Variants in GRIN2A observed in about 807,000 individuals in gnomAD.
GRIN2A encodes the protein glutamate receptor ionotropic, NMDA 2A.
GRIN2A carries 22 observed loss-of-function variants against 113.4 expected under a neutral mutation model. That is an observed-to-expected ratio of 0.19 (90% CI 0.14 to 0.28). The LOEUF (loss-of-function observed/expected upper bound fraction) is 0.28, where lower values mean the gene tolerates loss of function less well. Ranked by LOEUF, GRIN2A falls within the 10% of genes least tolerant of loss-of-function variation. GRIN2A has a pLI of 1.00. For missense variants in GRIN2A, 1,502 were observed against 1,887.0 expected (o/e 0.80, Z 3.78); for synonymous variants, 827 against 738.4 (o/e 1.12, Z -1.94).
chr16:9,847,925 A>T lies in GRIN2A; in HGVS notation c.1328+1831T>A, dbSNP rs553256556. 5.7e-3 allele frequency among the ~76,000 whole-genome samples: 832 copies of T among 146,454 alleles called. 3 individuals carry two copies. Among genetic ancestry groups the T allele is most frequent in the Non-Finnish European group, 0.01 (675 of 66,492 alleles). ...AACAGGCCTTATTTTTATATGTTTTATATATATATAAAAATATATATGTTA... is the reference window on the plus strand; with the variant it reads ...AACAGGCCTTATTTTTATATGTTTTTTATATATATAAAAATATATATGTTA... On this transcript the variant is annotated intron_variant, in intron 5 of 12. Coordinates refer to ENST00000330684, the MANE Select transcript of GRIN2A (RefSeq NM_001134407.3).
At chr16:10,164,532 G>C (rs1468479927) in intron 2 of GRIN2A, among the ~76,000 whole-genome samples, 1 of 152,196 alleles carries the variant, frequency 6.6e-6, no homozygotes, top group Non-Finnish European at 1.5e-5. Flanking sequence ...AATCATAACA[G>C]TGGGGTCCCA....
At chr16:10,140,956 G>A (rs1244298517) in intron 2 of GRIN2A, among the ~76,000 whole-genome samples, 1 of 152,158 alleles carries the variant, frequency 6.6e-6, no homozygotes, top group African/African-American at 2.4e-5. Context: ...AAATTTTGGA[G>A]GCCAAGGTGG....
intron 2 of GRIN2A, among the ~76,000 whole-genome samples, chr16:9,948,687 T>C (rs578164832): frequency 1.3e-4 from 20 of 152,220 alleles, no homozygotes; most frequent in Admixed American, 3.3e-4. Flanking sequence ...AGTCAGAACA[T>C]ACTGCATGGG....
At chr16:10,179,893 C>CCCAAAACAAAAAAA in intron 2 of GRIN2A, 105 bp downstream of exon 2, 2 of 719,818 alleles carry the variant, frequency 2.8e-6, no homozygotes, top group South Asian at 1.4e-5. Flanking sequence ...CCCCCACCCC[C>CCCAAAACAAAAAAA]ACTTCACATC....
chr16:9,920,912 C>T (rs1248310188), intron 3 of GRIN2A, among the ~76,000 whole-genome samples: 1 of 152,116 alleles, frequency 6.6e-6, no homozygotes, highest in Admixed American at 6.5e-5. Flanking sequence ...CCTTTTATTT[C>T]CTTCCTTCTG....
intron 11 of GRIN2A, 60 bp from the exon 12 acceptor site, chr16:9,769,149 G>A (rs1901104305): frequency 3.0e-6 from 4 of 1,323,424 alleles, no homozygotes; most frequent in African/African-American, 1.4e-5. Context: ...TGGGGCAGAC[G>A]CTTCTGGGTT....
chr16:9,765,929 CTT>C (rs947776227), intron 12 of GRIN2A, among the ~76,000 whole-genome samples: 14 of 152,170 alleles, frequency 9.2e-5, no homozygotes, highest in Admixed American at 2.0e-4. Flanking sequence ...ATTTTCTACT[CTT>C]TCTTTCTTTT....
intron 2 of GRIN2A, among the ~76,000 whole-genome samples, chr16:9,963,941 A>G (rs2045497595): frequency 6.6e-6 from 1 of 152,202 alleles, no homozygotes; most frequent in Admixed American, 6.5e-5. Flanking sequence ...CAGGAATGAA[A>G]GAACTCACAG....
intron 2 of GRIN2A, among the ~76,000 whole-genome samples, chr16:10,146,643 G>A (rs2142276014): frequency 6.6e-6 from 1 of 152,104 alleles, no homozygotes; most frequent in South Asian, 2.1e-4. Flanking sequence ...TTATTGTTAT[G>A]ACTCTGAAAG....
At chr16:9,834,815 G>A (rs766675531) in intron 7 of GRIN2A, among the ~76,000 whole-genome samples, 1 of 152,010 alleles carries the variant, frequency 6.6e-6, no homozygotes, top group Non-Finnish European at 1.5e-5. Flanking sequence ...AGGATAATCA[G>A]AAGAAAAAAG....
chr16:10,055,654 T>A (rs867936265), intron 2 of GRIN2A, among the ~76,000 whole-genome samples: 10 of 152,200 alleles, frequency 6.6e-5, no homozygotes, highest in African/African-American at 2.2e-4. Flanking sequence ...GTCACTTCAA[T>A]AGACAACATC....
chr16:10,063,774 TAATA>T (rs2047594580), intron 2 of GRIN2A, among the ~76,000 whole-genome samples: 1 of 152,050 alleles, frequency 6.6e-6, no homozygotes, highest in East Asian at 1.9e-4. Flanking sequence ...GGAGTCAAAA[TAATA>T]AAAAAGAACA....
chr16:10,062,316 C>G (rs1284994658), intron 2 of GRIN2A, among the ~76,000 whole-genome samples: 1 of 152,156 alleles, frequency 6.6e-6, no homozygotes, highest in Non-Finnish European at 1.5e-5. Flanking sequence ...TGGCTGCATT[C>G]CAATAAAAAT....
chr16:9,818,150 G>C (rs2042218805), intron 10 of GRIN2A, among the ~76,000 whole-genome samples: 1 of 151,698 alleles, frequency 6.6e-6, no homozygotes, highest in Non-Finnish European at 1.5e-5. Flanking sequence ...GGAAGGAAAA[G>C]GCCTGTGAGT....
At chr16:9,897,193 C>CATATATATTTACATATTATATAT (rs2043823334) in intron 3 of GRIN2A, among the ~76,000 whole-genome samples, 1 of 91,422 alleles carries the variant, frequency 1.1e-5, no homozygotes, top group Non-Finnish European at 2.3e-5. Context: ...ACACTAAATA[C>CATATATATTTACATATTATATAT]ATATATATTT....
intron 2 of GRIN2A, among the ~76,000 whole-genome samples, chr16:10,129,908 TAAG>T (rs1204834536): frequency 6.6e-6 from 1 of 152,202 alleles, no homozygotes; most frequent in East Asian, 1.9e-4. Flanking sequence ...GCAGATTTCA[TAAG>T]GAGTTGCAGT....
intron 2 of GRIN2A, among the ~76,000 whole-genome samples, chr16:10,001,620 C>T (rs2046321203): frequency 6.6e-6 from 1 of 152,170 alleles, no homozygotes; most frequent in South Asian, 2.1e-4. Flanking sequence ...TTCTCAGAAG[C>T]CCTCCAATAA....
intron 2 of GRIN2A, among the ~76,000 whole-genome samples, chr16:10,044,022 T>TATATATAGAGAGAG (rs531659457): frequency 2.7e-4 from 29 of 107,988 alleles, no homozygotes; most frequent in African/African-American, 9.8e-4. Context: ...TATATATATA[T>TATATATAGAGAGAG]AGAGAGAGAG....
chr16:10,009,487 C>G (rs1207051645), intron 2 of GRIN2A, among the ~76,000 whole-genome samples: 1 of 152,154 alleles, frequency 6.6e-6, no homozygotes, highest in East Asian at 1.9e-4. Flanking sequence ...CATAAGTGCC[C>G]TTTTATTTGT....
Sources: allele counts gnomAD v4.1 joint callset (sites outside exome capture counted in the v4.1 genomes callset), GRCh38; gene constraint gnomAD v4.1.1; transcripts MANE v1.5; gene names NCBI Gene and HGNC (gene_info 2026-07-23, HGNC 2026-07-21).